Variants in TNRC6B observed in about 807,000 individuals in gnomAD.
The protein encoded by TNRC6B is trinucleotide repeat containing adaptor 6B, also known as trinucleotide repeat-containing gene 6B protein.
Under a neutral mutation model 203.6 loss-of-function variants are expected in TNRC6B, and 52 were observed. The observed-to-expected ratio is 0.26, with a 90% CI of 0.20 to 0.32. The LOEUF is 0.32. Ranked by LOEUF, TNRC6B falls within the 10% of genes least tolerant of loss-of-function variation. The probability of loss-of-function intolerance (pLI) is 1.00; values close to 1 mark genes in which losing one functional copy is unlikely to be tolerated. For synonymous variants in TNRC6B, 838 were observed against 845.7 expected, an observed-to-expected ratio of 0.99 and a Z score of 0.16; for missense variants, 1,923 against 2,286.2, an observed-to-expected ratio of 0.84 and a Z score of 3.24.
intron 3 of TNRC6B, among the ~76,000 whole-genome samples, chr22:40,128,738 G>A (rs1465025094): frequency 1.3e-5 from 2 of 151,672 alleles, no homozygotes; most frequent in Non-Finnish European, 2.9e-5. Flanking sequence ...GCCCAGGCTG[G>A]TCTCGAACTT....
intron 3 of TNRC6B, among the ~76,000 whole-genome samples, chr22:40,132,202 G>T (rs1386289914): frequency 1.2e-4 from 18 of 152,236 alleles, no homozygotes; most frequent in African/African-American, 4.3e-4. Context: ...ACAAAAATTA[G>T]CTGGGCCTGT....
chr22:40,300,631 T>A (rs551111836), intron 13 of TNRC6B, 45 bp downstream of exon 13: 1 of 1,561,728 alleles, frequency 6.4e-7, no homozygotes, highest in African/African-American at 1.5e-5. Context: ...GTCATTTGCT[T>A]TTTTTTTTTC....
intron 1 of TNRC6B, among the ~76,000 whole-genome samples, chr22:40,066,349 T>G (rs957362680): frequency 6.6e-6 from 1 of 152,190 alleles, no homozygotes; most frequent in East Asian, 1.9e-4. Flanking sequence ...CTTCACCTTT[T>G]CTGGAAGCGG....
intron 1 of TNRC6B, among the ~76,000 whole-genome samples, chr22:40,075,164 T>A (rs889882151): frequency 0.027 from 2,453 of 91,824 alleles, 65 homozygotes; most frequent in African/African-American, 0.11. Context: ...ATATTTTTTT[T>A]TTTTTTTTTT....
At chr22:40,113,635 G>T (rs1050818929) in intron 1 of TNRC6B, among the ~76,000 whole-genome samples, 2 of 152,192 alleles carry the variant, frequency 1.3e-5, no homozygotes, top group African/African-American at 4.8e-5. Context: ...AGGATTACAG[G>T]TGTAAGCCAC....
intron 3 of TNRC6B, among the ~76,000 whole-genome samples, chr22:40,144,694 AATG>A (rs1420062564): frequency 1.5e-4 from 23 of 151,772 alleles, no homozygotes; most frequent in African/African-American, 5.6e-4. Flanking sequence ...AAAAAAAAAA[AATG>A]AACTCTTGAT....
At chr22:40,302,945 G>T (rs1282608495) in intron 15 of TNRC6B, among the ~76,000 whole-genome samples, 1 of 152,066 alleles carries the variant, frequency 6.6e-6, no homozygotes, top group African/African-American at 2.4e-5. Flanking sequence ...TGCTCATCTG[G>T]GCTGCAAAAC....
chr22:40,132,953 A>T (rs1469541931), intron 3 of TNRC6B, among the ~76,000 whole-genome samples: 4 of 84,018 alleles, frequency 4.8e-5, no homozygotes, highest in African/African-American at 2.0e-4. Context: ...CAAAAAAAAA[A>T]AAAAAAAAAA....
rs774161914 is a variant in TNRC6B, at chr22:40,324,562, T to A, written c.*1321T>A. On this transcript the variant is annotated 3_prime_UTR_variant, in exon 23 of 23. Transcript: ENST00000454349. ...AAAGAATAAGTGGTGAGCAGCCTCC[T>A]GAAAGCATCTGCAGCTACTCCCTCT... is the stretch of plus-strand genomic sequence containing the variant. 2 of 152,688 alleles carry A rather than the reference T, an allele frequency of 1.3e-5. No individual in the cohort carries two copies. The highest frequency in any genetic ancestry group is 2.9e-5 in the Non-Finnish European group (2 of 68,046). 9.5% of individuals were successfully genotyped at this position (152,688 alleles called of 1,614,324 possible).
intron 3 of TNRC6B, among the ~76,000 whole-genome samples, chr22:40,143,028 A>G (rs1364356847): frequency 6.6e-6 from 1 of 152,212 alleles, no homozygotes; most frequent in Non-Finnish European, 1.5e-5. Context: ...GGAGGGTATG[A>G]ACATTTCTTG....
intron 1 of TNRC6B, among the ~76,000 whole-genome samples, chr22:40,097,220 CTT>C (rs1199740171): frequency 1.3e-5 from 2 of 151,540 alleles, no homozygotes; most frequent in African/African-American, 4.8e-5. Context: ...AATTTATGCT[CTT>C]TGTAAAAACT....
At chr22:40,254,272 G>A (rs2070236298) in intron 3 of TNRC6B, among the ~76,000 whole-genome samples, 1 of 152,236 alleles carries the variant, frequency 6.6e-6, no homozygotes, top group African/African-American at 2.4e-5. Flanking sequence ...TAACAGGGAT[G>A]AAGTTTAGGA....
intron 15 of TNRC6B, chr22:40,301,624 A>C (rs2071024936): frequency 2.5e-6 from 1 of 403,124 alleles, no homozygotes; most frequent in South Asian, 3.4e-5. Context: ...TATTTAACAC[A>C]GTAAAGGCTC....
At chr22:40,110,453 G>T (rs2068322732) in intron 1 of TNRC6B, among the ~76,000 whole-genome samples, 1 of 152,232 alleles carries the variant, frequency 6.6e-6, no homozygotes, top group Non-Finnish European at 1.5e-5. Flanking sequence ...AACCCTCGGT[G>T]AATTCCCTAC....
intron 1 of TNRC6B, among the ~76,000 whole-genome samples, chr22:40,093,972 CAAAG>C (rs531769842): frequency 2.6e-5 from 4 of 151,906 alleles, no homozygotes; most frequent in Non-Finnish European, 4.4e-5. Flanking sequence ...ACTTTTCTAA[CAAAG>C]AAATTATAAA....
intron 4 of TNRC6B, among the ~76,000 whole-genome samples, chr22:40,263,589 T>C (rs2070421567): frequency 6.6e-6 from 1 of 152,214 alleles, no homozygotes; most frequent in Admixed American, 6.5e-5. Flanking sequence ...CGTATAATAC[T>C]TTTTGAAACT....
intron 3 of TNRC6B, 37 bp downstream of exon 3, chr22:40,251,237 C>T: frequency 1.3e-6 from 2 of 1,488,650 alleles, no homozygotes; most frequent in African/African-American, 1.4e-5. Context: ...TATTTAGAAC[C>T]TTTTGTGTTT....
chr22:40,177,952 G>A lies in TNRC6B; in HGVS notation c.-184G>A, dbSNP rs1232256998. ...AGACAGAGAGGGAGAGAGAGAGCAA[G>A]AGGGAGAGTGTGTGAGAGAGAGTTA... On this transcript the variant is annotated 5_prime_UTR_variant, in exon 1 of 23. Transcript: ENST00000454349. 1.1e-5 allele frequency: 16 copies of A among 1,415,942 alleles called. No individual in the cohort carries two copies. The highest frequency in any genetic ancestry group is 1.4e-5 in the Non-Finnish European group (15 of 1,090,178). The allele number at this position is 1,415,942 out of a possible 1,614,324, so 87.7% of individuals were successfully genotyped here.
chr22:40,189,498 C>CAAAAAAAA (rs56029573), intron 1 of TNRC6B, among the ~76,000 whole-genome samples: 193 of 112,246 alleles, frequency 1.7e-3, no homozygotes, highest in African/African-American at 5.3e-3. Flanking sequence ...TTTGTCTGCC[C>CAAAAAAAA]AAAAAAAAAA....
Sources: gnomAD v4.1 joint callset for allele counts (sites outside exome capture counted in the v4.1 genomes callset) on GRCh38, gnomAD v4.1.1 for gene constraint, MANE v1.5 for transcripts, NCBI Gene and HGNC (gene_info 2026-07-23, HGNC 2026-07-21) for gene names.